Variants in MGAT4C observed in about 807,000 individuals in gnomAD.
The protein encoded by MGAT4C is alpha-1,3-mannosyl-glycoprotein 4-beta-N-acetylglucosaminyltransferase C.
MGAT4C carries 19 observed loss-of-function variants against 40.1 expected under a neutral mutation model. That is an observed-to-expected ratio of 0.47 (90% confidence interval 0.33 to 0.70). MGAT4C has a LOEUF of 0.70. MGAT4C is among the 30% of genes least tolerant of loss of function. The probability of loss-of-function intolerance (pLI) is 0.02; values close to 1 mark genes in which losing one functional copy is unlikely to be tolerated. For missense variants in MGAT4C, 491 were observed against 563.2 expected, an observed-to-expected ratio of 0.87 and a Z score of 1.30; for synonymous variants, 181 against 187.1, an observed-to-expected ratio of 0.97 and a Z score of 0.27.
chr12:86,336,458 G>A (rs1246116719), intron 3 of MGAT4C, among the ~76,000 whole-genome samples: 1 of 152,162 alleles, frequency 6.6e-6, no homozygotes, highest in East Asian at 1.9e-4. Context: ...TGCTAATTCA[G>A]TGCTGTGCAA....
chr12:86,173,954 T>G (rs1887121278), intron 1 of MGAT4C, among the ~76,000 whole-genome samples: 1 of 152,072 alleles, frequency 6.6e-6, no homozygotes, highest in Non-Finnish European at 1.5e-5. Flanking sequence ...GTCTTTAACA[T>G]TTAATACTGT....
At chr12:86,722,015 G>T (rs185446695) in intron 2 of MGAT4C, among the ~76,000 whole-genome samples, 142 of 152,098 alleles carry the variant, frequency 9.3e-4, no homozygotes, top group African/African-American at 2.9e-3. Context: ...CATATGTCAA[G>T]CTCTTACATC....
intron 3 of MGAT4C, among the ~76,000 whole-genome samples, chr12:86,366,611 A>G (rs1254943372): frequency 2.0e-5 from 3 of 152,140 alleles, no homozygotes; most frequent in Non-Finnish European, 2.9e-5. Context: ...AAAAGTACTT[A>G]TTGCATACTA....
At chr12:86,791,443 T>G (rs368576762) in intron 1 of MGAT4C, among the ~76,000 whole-genome samples, 6 of 151,962 alleles carry the variant, frequency 3.9e-5, no homozygotes, top group South Asian at 4.2e-4. Flanking sequence ...TTTTTTTTTT[T>G]TTTTTTTTTC....
chr12:85,981,065 A>G (rs1884543798), intron 4 of MGAT4C, among the ~76,000 whole-genome samples: 1 of 152,138 alleles, frequency 6.6e-6, no homozygotes. Flanking sequence ...TAGAAAGCAA[A>G]CAATATTATA....
intron 2 of MGAT4C, among the ~76,000 whole-genome samples, chr12:86,008,534 C>A (rs2136807226): frequency 6.6e-6 from 1 of 152,160 alleles, no homozygotes; most frequent in Middle Eastern, 3.4e-3. Flanking sequence ...TATTGACAAG[C>A]AATAAAGAGT....
At chr12:86,753,690 A>G (rs1368584901) in intron 1 of MGAT4C, among the ~76,000 whole-genome samples, 3 of 152,146 alleles carry the variant, frequency 2.0e-5, no homozygotes, top group Admixed American at 6.6e-5. Flanking sequence ...AAAAACCTCA[A>G]TTTAAAAGGT....
intron 2 of MGAT4C, among the ~76,000 whole-genome samples, chr12:86,445,423 A>C (rs1957316407): frequency 6.6e-6 from 1 of 152,204 alleles, no homozygotes; most frequent in Non-Finnish European, 1.5e-5. Flanking sequence ...GATTTGAGGG[A>C]ATGTGAAATT....
At chr12:86,276,077 C>G (rs1401715822) in intron 4 of MGAT4C, among the ~76,000 whole-genome samples, 2 of 149,498 alleles carry the variant, frequency 1.3e-5, no homozygotes, top group Non-Finnish European at 3.0e-5. Context: ...GAGATTGCGC[C>G]GCTGCACTCC....
In MGAT4C at chr12:86,537,018, A is replaced by C. The variant is rs561157102; in HGVS notation, c.-228-101753T>G. ...ATTAAGAAAATGTGGCACATATACA[A>C]CATGGAATACTATGCAGCCATAAAA... is the stretch of plus-strand genomic sequence containing the variant. On this transcript the variant is annotated intron_variant, in intron 2 of 7. Coordinates refer to the MGAT4C transcript ENST00000548651. 3.3e-3 allele frequency among the ~76,000 whole-genome samples: 508 copies of C among 152,294 alleles called. 1 individual carries two copies. The highest frequency in any genetic ancestry group is 0.012 in the African/African-American group (485 of 41,568).
intron 1 of MGAT4C, among the ~76,000 whole-genome samples, chr12:86,759,418 G>C (rs1376121666): frequency 6.6e-6 from 1 of 151,980 alleles, no homozygotes; most frequent in East Asian, 1.9e-4. Flanking sequence ...ATGATTGCTG[G>C]ATCACACTGT....
chr12:86,108,698 A>G (rs1876667977), intron 1 of MGAT4C, among the ~76,000 whole-genome samples: 2 of 152,168 alleles, frequency 1.3e-5, no homozygotes, highest in African/African-American at 4.8e-5. Flanking sequence ...TTAAATGTTA[A>G]GTCTCCACTC....
chr12:86,075,734 G>T (rs543126442), intron 1 of MGAT4C, among the ~76,000 whole-genome samples: 1 of 152,180 alleles, frequency 6.6e-6, no homozygotes, highest in Non-Finnish European at 1.5e-5. Context: ...TCAGCACCAC[G>T]TGCAGGCTTG....
intron 2 of MGAT4C, among the ~76,000 whole-genome samples, chr12:86,533,382 G>C (rs1224905024): frequency 1.3e-5 from 2 of 152,026 alleles, no homozygotes; most frequent in South Asian, 2.1e-4. Flanking sequence ...TGTGGAGAAG[G>C]AGTCACTTGG....
chr12:86,436,671 T>A (rs1363059810), intron 2 of MGAT4C, among the ~76,000 whole-genome samples: 2 of 151,768 alleles, frequency 1.3e-5, no homozygotes, highest in African/African-American at 4.8e-5. Context: ...TTCAGCTACA[T>A]CCAAACAACG....
chr12:86,157,525 T>C (rs940586633), intron 1 of MGAT4C, among the ~76,000 whole-genome samples: 1 of 152,018 alleles, frequency 6.6e-6, no homozygotes, highest in African/African-American at 2.4e-5. Context: ...TTAAAGAGCA[T>C]AGAAAAATAA....
At chr12:86,417,826 T>C (rs1388233786) in intron 3 of MGAT4C, among the ~76,000 whole-genome samples, 2 of 152,128 alleles carry the variant, frequency 1.3e-5, no homozygotes, top group African/African-American at 4.8e-5. Flanking sequence ...TAATTAGTGC[T>C]TATTTTATCA....
At chr12:86,758,218 T>C (rs1005217332) in intron 1 of MGAT4C, among the ~76,000 whole-genome samples, 1 of 152,064 alleles carries the variant, frequency 6.6e-6, no homozygotes, top group Non-Finnish European at 1.5e-5. Context: ...TAAATTGCTA[T>C]AAAACTTTGC....
At chr12:85,992,405 G>C (rs1233400235) in intron 2 of MGAT4C, among the ~76,000 whole-genome samples, 1 of 152,184 alleles carries the variant, frequency 6.6e-6, no homozygotes, top group East Asian at 1.9e-4. Context: ...GTTATCCAAA[G>C]GCCCCTGGAC....
Sources: gnomAD v4.1 joint callset for allele counts (sites outside exome capture counted in the v4.1 genomes callset) on GRCh38, gnomAD v4.1.1 for gene constraint, MANE v1.5 for transcripts, NCBI Gene and HGNC (gene_info 2026-07-23, HGNC 2026-07-21) for gene names.